Variants in FBXO28 observed in about 807,000 individuals in gnomAD.
The protein encoded by FBXO28 is F-box only protein 28.
Under a neutral mutation model 38.1 loss-of-function variants are expected in FBXO28, and 8 were observed. That is an observed-to-expected ratio of 0.21 (90% CI 0.12 to 0.38). The LOEUF (loss-of-function observed/expected upper bound fraction) is 0.38. Ranked by LOEUF, FBXO28 falls within the 10% of genes least tolerant of loss-of-function variation. The probability of loss-of-function intolerance (pLI) is 1.00; values close to 1 mark genes in which losing one functional copy is unlikely to be tolerated. For missense variants in FBXO28, 345 were observed against 460.6 expected, an observed-to-expected ratio of 0.75 and a Z score of 2.30; for synonymous variants, 168 against 173.8, an observed-to-expected ratio of 0.97 and a Z score of 0.26.
chr1:224,150,424 C>CA (rs1250419235), intron 3 of FBXO28, among the ~76,000 whole-genome samples: 1 of 151,788 alleles, frequency 6.6e-6, no homozygotes, highest in Non-Finnish European at 1.5e-5. Context: ...TAGCACTATA[C>CA]ATAAAATATC....
chr1:224,132,456 C>G (rs1263204367), intron 2 of FBXO28, among the ~76,000 whole-genome samples: 1 of 152,106 alleles, frequency 6.6e-6, no homozygotes, highest in Non-Finnish European at 1.5e-5. Flanking sequence ...CAAATTGGAA[C>G]CTTCATATAT....
intron 3 of FBXO28, among the ~76,000 whole-genome samples, chr1:224,144,718 C>T: frequency 6.6e-6 from 1 of 151,994 alleles, no homozygotes; most frequent in East Asian, 1.9e-4. Context: ...GATCGTGCCA[C>T]CACTGCACTC....
chr1:224,145,514 G>A (rs372673024), intron 3 of FBXO28, among the ~76,000 whole-genome samples: 5 of 152,164 alleles, frequency 3.3e-5, no homozygotes, highest in East Asian at 3.9e-4. Flanking sequence ...AATACTAGGC[G>A]ATGGGAATTT....
chr1:224,153,014 C>T (rs927525210), intron 3 of FBXO28, 128 bp from the exon 4 acceptor site: 8 of 554,896 alleles, frequency 1.4e-5, no homozygotes, highest in Non-Finnish European at 2.4e-5. Flanking sequence ...GTGGCCAGTA[C>T]ATCACTTAAA....
At chr1:224,138,866 C>T (rs1175218831) in intron 3 of FBXO28, among the ~76,000 whole-genome samples, 1 of 151,812 alleles carries the variant, frequency 6.6e-6, no homozygotes, top group Non-Finnish European at 1.5e-5. Context: ...ACTGCAACCT[C>T]CGCCTCCTGG....
chr1:224,150,057 C>T (rs1239837631), intron 3 of FBXO28, among the ~76,000 whole-genome samples: 3 of 149,920 alleles, frequency 2.0e-5, no homozygotes, highest in African/African-American at 7.4e-5. Context: ...GGTGCAGTGG[C>T]TTATGCCTGT....
intron 3 of FBXO28, among the ~76,000 whole-genome samples, chr1:224,149,022 T>G (rs191160051): frequency 1.4e-4 from 21 of 152,338 alleles, no homozygotes; most frequent in South Asian, 4.1e-4. Context: ...GGATAGGATC[T>G]GTGTCTTATG....
intron 3 of FBXO28, among the ~76,000 whole-genome samples, chr1:224,137,754 G>C (rs1000075759): frequency 7.9e-5 from 12 of 151,850 alleles, no homozygotes; most frequent in African/African-American, 2.7e-4. Context: ...ACACCTGTGA[G>C]AGTGGGACTG....
intron 1 of FBXO28, among the ~76,000 whole-genome samples, chr1:224,118,589 A>C (rs1329769482): frequency 6.6e-6 from 1 of 152,246 alleles, no homozygotes; most frequent in Non-Finnish European, 1.5e-5. Flanking sequence ...ACTTTAGCTA[A>C]TTAAATCTAT....
Position 224,161,635 on chromosome 1 carries a change from T to G in FBXO28, c.*3889T>G, listed in dbSNP as rs534534938. The G allele has an allele frequency of 3.9e-5, 6 of 152,188 alleles. No homozygotes were observed. The highest frequency in any genetic ancestry group is 2.6e-4 in the Admixed American group (4 of 15,278). The allele number at this position is 152,188 out of a possible 1,614,324, so 9.4% of individuals were successfully genotyped here. ...TTAGTTGGCTGCTCCCTACCATGAT[T>G]TTACTTTTAATAGCAATACAGTTAT... On this transcript the variant is annotated 3_prime_UTR_variant, in exon 5 of 5. Coordinates refer to ENST00000366862, the MANE Select transcript of FBXO28 (RefSeq NM_015176.4).
Position 224,130,347 on chromosome 1 carries a change from A to C in FBXO28, c.268-125A>C, listed in dbSNP as rs927067701. 4 of 628,906 alleles carry C rather than the reference A, an allele frequency of 6.4e-6. No homozygotes were observed. The African/African-American group carries it at 7.5e-5, about 12-fold the overall frequency. The allele number at this position is 628,906 out of a possible 1,614,324, so 39.0% of individuals were successfully genotyped here. On this transcript the variant is annotated intron_variant, in intron 1 of 4. Coordinates refer to ENST00000366862, the MANE Select transcript of FBXO28 (RefSeq NM_015176.4). The stretch of plus-strand genomic sequence containing the variant: ...ACAGAGTGAGACTTCGTCTCAAAAA[A>C]AAAGATATATACAGCAAACTGAGGA...
At chr1:224,140,807 A>G (rs1657326314) in intron 3 of FBXO28, among the ~76,000 whole-genome samples, 1 of 152,012 alleles carries the variant, frequency 6.6e-6, no homozygotes, top group African/African-American at 2.4e-5. Context: ...TTAGCCGAGC[A>G]TGGTGGCACG....
In FBXO28 at chr1:224,129,342, A is replaced by G. The variant is rs969963751; in HGVS notation, c.268-1130A>G. ...GTGACAAGAGTGAAACTCCATCTCA[A>G]AAAGATATTTTGGAGGATATACAGT... On this transcript the variant is annotated intron_variant, in intron 1 of 4. Transcript: ENST00000366862. Among the ~76,000 whole-genome samples the G allele has an allele frequency of 2.0e-5, 3 of 151,980 alleles. No homozygotes were observed. The Admixed American group carries it at 2.0e-4, about 10-fold the overall frequency.
rs1657825372 is a variant in FBXO28 at position 224,158,617 on chromosome 1, A to G, written c.*871A>G. The G allele has an allele frequency of 6.6e-6, 1 of 152,238 alleles. No homozygotes were observed. 9.4% of individuals were successfully genotyped at this position (152,238 alleles called of 1,614,324 possible). A position where few individuals can be genotyped will look rare whatever the true frequency, so the allele number is the denominator to read the frequency against. On this transcript the variant is annotated 3_prime_UTR_variant, in exon 5 of 5. Transcript: ENST00000366862. ...TAGGAACAAGAGACTATTAAAGCCC[A>G]TTGCTTTATCTGCTCTCTGTAGGGT...
chr1:224,123,234 T>C lies in FBXO28; in HGVS notation c.268-7238T>C, dbSNP rs375855995. On this transcript the variant is annotated intron_variant, in intron 1 of 4. Coordinates refer to ENST00000366862, the MANE Select transcript of FBXO28 (RefSeq NM_015176.4). ...TTGGTTCTCTGTTTATCTTACACAA[T>C]AATGAATACATTTTAAAACTGGGTT... Among the ~76,000 whole-genome samples the C allele has an allele frequency of 2.5e-4, 38 of 152,162 alleles. No individual in the cohort carries two copies. In the South Asian group the frequency reaches 7.0e-3, roughly 28 times the overall value.
chr1:224,137,368 C>G (rs899404851), intron 3 of FBXO28, among the ~76,000 whole-genome samples: 1 of 151,342 alleles, frequency 6.6e-6, no homozygotes, highest in South Asian at 2.1e-4. Context: ...ACTAAAAATA[C>G]AAAAATTAGC....
In FBXO28 at chr1:224,155,803, C is replaced by G. The variant is rs531151047; in HGVS notation, c.713-1549C>G. 2.6e-5 allele frequency among the ~76,000 whole-genome samples: 4 copies of G among 152,266 alleles called. No individual in the cohort carries two copies. In the South Asian group the frequency reaches 8.3e-4, roughly 32 times the overall value. ...TATGCGCACAGCACTGTACTGTGTC[C>G]TGTGGAGACTAAAAAGAAGTGTAAT... On this transcript the variant is annotated intron_variant, in intron 4 of 4. Transcript: ENST00000366862.
chr1:224,146,783 CT>C (rs1490913115), intron 3 of FBXO28, among the ~76,000 whole-genome samples: 6 of 144,854 alleles, frequency 4.1e-5, no homozygotes, highest in Non-Finnish European at 7.4e-5. Flanking sequence ...TCTGGGTTTG[CT>C]GCAACCTCTG....
rs1386239166 is a variant in FBXO28, at chr1:224,139,764, G to GCATGCATA, written c.516+5555_516+5556insGCATACAT. On this transcript the variant is annotated intron_variant, in intron 3 of 4. Transcript: ENST00000366862. Reference sequence around the variant, plus strand: ...GAAATAAATACATACATGCATGCATGCATACATACATACATACATACATAC... The same window carrying GCATGCATA: ...GAAATAAATACATACATGCATGCATGCATGCATACATACATACATACATACATACATAC... Among the ~76,000 whole-genome samples, 958 of 146,016 alleles carry GCATGCATA rather than the reference G, an allele frequency of 6.6e-3. 12 individuals carry two copies. Among genetic ancestry groups the GCATGCATA allele is most frequent in the African/African-American group, 0.015 (575 of 38,746 alleles).
Sources: gnomAD v4.1 joint callset for allele counts (sites outside exome capture counted in the v4.1 genomes callset) on GRCh38, gnomAD v4.1.1 for gene constraint, MANE v1.5 for transcripts, NCBI Gene and HGNC (gene_info 2026-07-23, HGNC 2026-07-21) for gene names.